The following XYLT1 variants were observed in gnomAD, a reference collection of about 807,000 sequenced individuals.
XYLT1 encodes xylosyltransferase 1.
XYLT1 carries 36 observed loss-of-function variants against 91.3 expected under a neutral mutation model. The ratio of observed to expected loss-of-function variants is 0.39; its 90% CI spans 0.30 to 0.52. The LOEUF is 0.52. Among genes scored for constraint, XYLT1 ranks in the 20% least tolerant of loss-of-function variants. The probability of loss-of-function intolerance (pLI) is 0.68; values close to 1 mark genes in which losing one functional copy is unlikely to be tolerated. For synonymous variants in XYLT1, 588 were observed against 532.0 expected, an observed-to-expected ratio of 1.11 and a Z score of -1.45; for missense variants, 1,242 against 1,284.5, an observed-to-expected ratio of 0.97 and a Z score of 0.51.
chr16:17,279,140 C>T (rs1193860081), intron 2 of XYLT1, among the ~76,000 whole-genome samples: 1 of 152,176 alleles, frequency 6.6e-6, no homozygotes, highest in Admixed American at 6.5e-5. Context: ...ATCCTCTTCA[C>T]AGCCCTCTCA....
intron 2 of XYLT1, among the ~76,000 whole-genome samples, chr16:17,262,170 C>T (rs1041308516): frequency 6.6e-6 from 1 of 152,122 alleles, no homozygotes; most frequent in Admixed American, 6.5e-5. Context: ...TTTTATAGAA[C>T]GAGGAGCCAA....
intron 3 of XYLT1, among the ~76,000 whole-genome samples, chr16:17,237,773 G>C (rs963289514): frequency 6.6e-6 from 1 of 152,102 alleles, no homozygotes; most frequent in Admixed American, 6.5e-5. Flanking sequence ...GGTTCCTCTC[G>C]GGTCACTTGG....
chr16:17,149,800 G>A (rs552681657), intron 6 of XYLT1, among the ~76,000 whole-genome samples: 29 of 152,274 alleles, frequency 1.9e-4, no homozygotes, highest in African/African-American at 6.5e-4. Flanking sequence ...TTAATCATAT[G>A]GTACTTTGGT....
chr16:17,359,423 G>C (rs138160619), intron 1 of XYLT1, among the ~76,000 whole-genome samples: 2 of 152,266 alleles, frequency 1.3e-5, no homozygotes, highest in Admixed American at 6.5e-5. Context: ...CTGTTCTACG[G>C]TATCTTTGTA....
intron 2 of XYLT1, among the ~76,000 whole-genome samples, chr16:17,319,877 T>C (rs1017709005): frequency 6.6e-6 from 1 of 152,232 alleles, no homozygotes; most frequent in Non-Finnish European, 1.5e-5. Flanking sequence ...GGCCCCTTCG[T>C]ACCTCTCCAC....
chr16:17,256,310 G>A (rs1393210412), intron 3 of XYLT1, among the ~76,000 whole-genome samples: 1 of 152,090 alleles, frequency 6.6e-6, no homozygotes, highest in Admixed American at 6.5e-5. Flanking sequence ...CCTGGCATAA[G>A]TCTCCTCCCC....
chr16:17,385,993 T>C (rs1428768153), intron 1 of XYLT1, among the ~76,000 whole-genome samples: 1 of 152,216 alleles, frequency 6.6e-6, no homozygotes, highest in African/African-American at 2.4e-5. Context: ...GTAAAGTTAA[T>C]TTACGGCAAG....
chr16:17,465,562 G>A (rs1469137), intron 1 of XYLT1, among the ~76,000 whole-genome samples: 2 of 135,810 alleles, frequency 1.5e-5, no homozygotes, highest in Non-Finnish European at 3.2e-5. Context: ...TTTTTGGGGG[G>A]GGGGGGGGTG....
At chr16:17,402,144 A>AC (rs2035976830) in intron 1 of XYLT1, among the ~76,000 whole-genome samples, 2 of 133,110 alleles carry the variant, frequency 1.5e-5, no homozygotes, top group South Asian at 2.3e-4. Context: ...ACAAAAAAAA[A>AC]AAACACACAC....
chr16:17,135,550 C>G (rs558132164), intron 8 of XYLT1, among the ~76,000 whole-genome samples: 3 of 138,392 alleles, frequency 2.2e-5, no homozygotes, highest in African/African-American at 8.7e-5. Flanking sequence ...GTCAATAGCT[C>G]TGGAGTGTAG....
At chr16:17,324,804 C>T (rs745591569) in intron 2 of XYLT1, among the ~76,000 whole-genome samples, 8 of 151,734 alleles carry the variant, frequency 5.3e-5, no homozygotes, top group Non-Finnish European at 1.2e-4. Context: ...AAACAAAGAC[C>T]GGAAAGACAT....
intron 2 of XYLT1, 43 bp from the exon 3 acceptor site, chr16:17,259,541 A>AG: frequency 6.3e-7 from 1 of 1,587,986 alleles, no homozygotes; most frequent in Non-Finnish European, 8.5e-7. Context: ...CTTGACTGAG[A>AG]GATCATGCTA....
Position 17,328,101 on chromosome 16 carries a change from C to T in XYLT1, c.402+29911G>A, listed in dbSNP as rs146596989. Among the ~76,000 whole-genome samples the T allele has an allele frequency of 6.9e-3, 1,049 of 152,214 alleles. 3 individuals carry two copies. The highest frequency in any genetic ancestry group is 0.012 in the Non-Finnish European group (804 of 68,014). The stretch of plus-strand genomic sequence containing the variant: ...CACGTAACCTCCCTTTCACAGAGCT[C>T]GGCTGTACAGAACAGCCTAGAATAG... On this transcript the variant is annotated intron_variant, in intron 2 of 11. Coordinates refer to ENST00000261381, the MANE Select transcript of XYLT1 (RefSeq NM_022166.4).
At chr16:17,141,849 T>C (rs1259744915) in intron 6 of XYLT1, among the ~76,000 whole-genome samples, 1 of 152,226 alleles carries the variant, frequency 6.6e-6, no homozygotes, top group Non-Finnish European at 1.5e-5. Context: ...AGTTCTGATA[T>C]AAAGTAATGC....
intron 2 of XYLT1, among the ~76,000 whole-genome samples, chr16:17,297,761 C>A (rs1036407881): frequency 6.6e-6 from 1 of 152,114 alleles, no homozygotes. Context: ...GTGGCTCACG[C>A]CTGTAATCCC....
chr16:17,273,296 C>CCTTTGTGATTGTGATGTGATTTTGTGA (rs2033923407), intron 2 of XYLT1, among the ~76,000 whole-genome samples: 1 of 152,192 alleles, frequency 6.6e-6, no homozygotes, highest in Admixed American at 6.5e-5. Context: ...CAAGCTGTGG[C>CCTTTGTGATTGTGATGTGATTTTGTGA]TGTGAGTCAC....
chr16:17,130,542 G>A lies in XYLT1; in HGVS notation c.2028-2681C>T, dbSNP rs184327208. Among the ~76,000 whole-genome samples, 45 of 152,220 alleles carry A rather than the reference G, an allele frequency of 3.0e-4. 1 individual carries two copies. The East Asian group carries it at 8.1e-3, about 27-fold the overall frequency. ...GGCTAGAGTGCAGTGTCGTGAAACT[G>A]GCTCACTGCAACCTCTGCCTCCCGG... On this transcript the variant is annotated intron_variant, in intron 9 of 11. Transcript: ENST00000261381.
intron 5 of XYLT1, among the ~76,000 whole-genome samples, chr16:17,162,588 T>C (rs2031581834): frequency 6.6e-6 from 1 of 152,116 alleles, no homozygotes; most frequent in Admixed American, 6.6e-5. Flanking sequence ...AACGAGTGAA[T>C]GAATGAATGA....
intron 9 of XYLT1, 65 bp downstream of exon 9, chr16:17,134,408 C>A: frequency 1.3e-6 from 2 of 1,587,758 alleles, no homozygotes; most frequent in Non-Finnish European, 1.7e-6. Context: ...AGGACCCCCA[C>A]TCTGTACCCT....
Sources: gnomAD v4.1 joint callset for allele counts (sites outside exome capture counted in the v4.1 genomes callset) on GRCh38, gnomAD v4.1.1 for gene constraint, MANE v1.5 for transcripts, NCBI Gene and HGNC (gene_info 2026-07-23, HGNC 2026-07-21) for gene names.